The following CPNE4 variants were observed in gnomAD, a reference collection of about 807,000 sequenced individuals.
CPNE4 encodes the protein copine-4.
CPNE4 carries 25 observed loss-of-function variants against 67.9 expected under a neutral mutation model. That is an observed-to-expected ratio of 0.37 (90% CI 0.27 to 0.51). The LOEUF is 0.51. CPNE4 is among the 20% of genes least tolerant of loss of function. The pLI, the probability that CPNE4 is intolerant of heterozygous loss-of-function variation, is 0.93. For synonymous variants in CPNE4, 242 were observed against 244.9 expected (o/e 0.99, Z 0.11); for missense variants, 464 against 690.8 (o/e 0.67, Z 3.68).
chr3:131,819,739 C>T (rs748692105), intron 2 of CPNE4, among the ~76,000 whole-genome samples: 3 of 152,124 alleles, frequency 2.0e-5, no homozygotes, highest in Admixed American at 2.0e-4. Context: ...AAAGCTGACA[C>T]TTGCTATTTT....
chr3:131,765,258 C>T (rs1052030618), intron 2 of CPNE4, among the ~76,000 whole-genome samples: 2 of 152,106 alleles, frequency 1.3e-5, no homozygotes, highest in Non-Finnish European at 2.9e-5. Context: ...CTGTGATAAG[C>T]AATGCTGGAA....
chr3:131,631,087 T>A (rs1001642325), intron 7 of CPNE4, among the ~76,000 whole-genome samples: 22 of 152,204 alleles, frequency 1.4e-4, no homozygotes, highest in African/African-American at 5.1e-4. Context: ...CTGTGGAAAT[T>A]ACAATTGCAT....
chr3:131,871,743 A>G (rs1314980417), intron 2 of CPNE4, among the ~76,000 whole-genome samples: 4 of 152,192 alleles, frequency 2.6e-5, no homozygotes, highest in Non-Finnish European at 4.4e-5. Flanking sequence ...AAAACCAAAC[A>G]TAATGAGCTA....
At chr3:131,905,541 GAC>G (rs140474722) in intron 1 of CPNE4, 97 bp from the exon 2 acceptor site, 91,994 of 1,072,398 alleles carry the variant, frequency 0.086, 4,881 homozygotes, top group Middle Eastern at 0.14. Context: ...AAAATTGTTT[GAC>G]ACACAGTTTC....
At chr3:131,977,523 T>G (rs938866761) in intron 1 of CPNE4, among the ~76,000 whole-genome samples, 2 of 152,008 alleles carry the variant, frequency 1.3e-5, no homozygotes, top group Non-Finnish European at 2.9e-5. Context: ...AAAGAAACTA[T>G]CTAGCCACCT....
At chr3:132,031,185 A>G (rs569066627) in intron 1 of CPNE4, among the ~76,000 whole-genome samples, 31 of 152,244 alleles carry the variant, frequency 2.0e-4, no homozygotes, top group Non-Finnish European at 2.9e-4. Flanking sequence ...TTAATGCACC[A>G]AAGAATGGTC....
chr3:131,574,958 A>G (rs1430525438), intron 10 of CPNE4, 113 bp downstream of exon 10: 9 of 843,338 alleles, frequency 1.1e-5, no homozygotes, highest in Non-Finnish European at 1.8e-5. Context: ...ACTTGAACAA[A>G]GCTGCCTGAA....
intron 3 of CPNE4, among the ~76,000 whole-genome samples, chr3:131,713,446 G>A (rs2081608620): frequency 1.3e-5 from 2 of 152,134 alleles, no homozygotes; most frequent in Non-Finnish European, 2.9e-5. Flanking sequence ...GGAAGGGGGA[G>A]AGAGTGTCTT....
At chr3:131,692,647 G>T (rs763636081) in intron 5 of CPNE4, among the ~76,000 whole-genome samples, 1 of 152,166 alleles carries the variant, frequency 6.6e-6, no homozygotes, top group Non-Finnish European at 1.5e-5. Context: ...TGGGGACAGA[G>T]ATCAGGTGTC....
At chr3:131,581,468 T>G in intron 9 of CPNE4, 111 bp downstream of exon 9, 1 of 726,860 alleles carries the variant, frequency 1.4e-6, no homozygotes, top group South Asian at 1.8e-5. Flanking sequence ...TAATTTTTAT[T>G]TTAAAAGATC....
At chr3:131,790,430 T>C (rs1195331514) in intron 2 of CPNE4, among the ~76,000 whole-genome samples, 4 of 152,072 alleles carry the variant, frequency 2.6e-5, no homozygotes, top group African/African-American at 9.7e-5. Context: ...ACCCCAAAAT[T>C]GCTCATTTTG....
intron 2 of CPNE4, among the ~76,000 whole-genome samples, chr3:131,741,725 C>G (rs1184367959): frequency 6.6e-6 from 1 of 152,050 alleles, no homozygotes; most frequent in Non-Finnish European, 1.5e-5. Flanking sequence ...GCAACTTTGC[C>G]AAAACAGTTG....
chr3:132,014,507 C>T (rs565821952), intron 1 of CPNE4, among the ~76,000 whole-genome samples: 75 of 152,270 alleles, frequency 4.9e-4, no homozygotes, highest in Non-Finnish European at 1.1e-3. Context: ...GTTCATTAGA[C>T]CACTTGATTT....
At chr3:132,021,336 G>A (rs7627352) in intron 1 of CPNE4, among the ~76,000 whole-genome samples, 103,116 of 152,052 alleles carry the variant, frequency 0.68, 35,765 homozygotes, top group Middle Eastern at 0.75. Flanking sequence ...TAGCAACAAA[G>A]TTCTACTACT....
chr3:131,669,731 A>G lies in CPNE4; in HGVS notation c.625T>C (p.Ser209Pro), dbSNP rs777365108. ...VMNNLSPAWKSFKVSVNSLCS... is the reference protein window; with the variant it reads ...VMNNLSPAWKPFKVSVNSLCS... Reference sequence around the variant, plus strand: ...AGAGAATTTACAGATACTTTGAATGATTTCCAGGCTGGGCTTAAGTTATTC... The same window carrying G: ...AGAGAATTTACAGATACTTTGAATGGTTTCCAGGCTGGGCTTAAGTTATTC... The change falls in exon 7 of 16, where the codon TCA becomes CCA. Residue 209 changes from serine (S) to proline (P), a missense_variant. Ser to Pro is a moderately conservative substitution (Grantham distance 74). Transcript: ENST00000429747. The G allele has an allele frequency of 6.2e-7, 1 of 1,613,906 alleles. No individual in the cohort carries two copies. The highest frequency in any genetic ancestry group is 8.5e-7 in the Non-Finnish European group (1 of 1,179,842).
intron 7 of CPNE4, among the ~76,000 whole-genome samples, chr3:131,607,201 T>C (rs1396895001): frequency 6.6e-6 from 1 of 151,722 alleles, no homozygotes; most frequent in Non-Finnish European, 1.5e-5. Flanking sequence ...GAAGACATCC[T>C]ATTCCTTCCA....
At chr3:131,564,195 A>G (rs763125552) in intron 11 of CPNE4, 21 bp downstream of exon 11, 2 of 1,612,348 alleles carry the variant, frequency 1.2e-6, no homozygotes, top group Non-Finnish European at 1.7e-6. Flanking sequence ...ATAAGGCTCC[A>G]AATGTCCTGA....
At chr3:131,684,409 T>C (rs978202459) in intron 6 of CPNE4, among the ~76,000 whole-genome samples, 1 of 152,256 alleles carries the variant, frequency 6.6e-6, no homozygotes, top group Non-Finnish European at 1.5e-5. Flanking sequence ...CATTGTTCTA[T>C]AGCATGCAAT....
At chr3:131,980,401 T>G (rs2072875842) in intron 1 of CPNE4, among the ~76,000 whole-genome samples, 1 of 152,132 alleles carries the variant, frequency 6.6e-6, no homozygotes, top group Admixed American at 6.5e-5. Context: ...TTCTTATTCT[T>G]TTTTCTTTGT....
Sources: gnomAD v4.1 joint callset for allele counts (sites outside exome capture counted in the v4.1 genomes callset) on GRCh38, gnomAD v4.1.1 for gene constraint, MANE v1.5 for transcripts, NCBI Gene and HGNC (gene_info 2026-07-23, HGNC 2026-07-21) for gene names.